ATP6V1H: variants seen among roughly 807,000 people sequenced by gnomAD.
ATP6V1H encodes the protein ATPase H+ transporting V1 subunit H.
A neutral mutation model predicts 71.7 loss-of-function variants in ATP6V1H; 39 were observed. That is an observed-to-expected ratio of 0.54 (90% CI 0.42 to 0.71). The LOEUF is 0.71. ATP6V1H is among the 30% of genes least tolerant of loss of function. The probability of loss-of-function intolerance (pLI) is 0.00; values close to 1 mark genes in which losing one functional copy is unlikely to be tolerated. For synonymous variants in ATP6V1H, 192 were observed against 199.3 expected, an observed-to-expected ratio of 0.96 and a Z score of 0.31; for missense variants, 509 against 594.9, an observed-to-expected ratio of 0.86 and a Z score of 1.50.
chr8:53,809,260 T>C (rs1810195187), intron 7 of ATP6V1H, among the ~76,000 whole-genome samples: 1 of 152,154 alleles, frequency 6.6e-6, no homozygotes, highest in South Asian at 2.1e-4. Flanking sequence ...AAATGTAAAA[T>C]GAGTAAGCGT....
chr8:53,780,183 A>T (rs1368424629), intron 9 of ATP6V1H, among the ~76,000 whole-genome samples: 1 of 151,642 alleles, frequency 6.6e-6, no homozygotes, highest in Non-Finnish European at 1.5e-5. Context: ...AAAAGACATT[A>T]TCATAACTAA....
intron 10 of ATP6V1H, among the ~76,000 whole-genome samples, chr8:53,771,221 C>A (rs1165076907): frequency 6.6e-6 from 1 of 152,190 alleles, no homozygotes; most frequent in African/African-American, 2.4e-5. Context: ...AGTAGCCAAA[C>A]AATTCCAAGA....
chr8:53,755,911 C>T (rs1490009212), intron 12 of ATP6V1H, among the ~76,000 whole-genome samples: 1 of 133,444 alleles, frequency 7.5e-6, no homozygotes, highest in African/African-American at 2.8e-5. Context: ...GCGCCCGCCA[C>T]TACGCCCGGC....
chr8:53,819,269 C>T (rs1003689051), intron 4 of ATP6V1H, among the ~76,000 whole-genome samples: 13 of 151,238 alleles, frequency 8.6e-5, no homozygotes, highest in East Asian at 2.0e-4. Flanking sequence ...CAGTGGCTCA[C>T]GCCTGTAGTC....
At chr8:53,785,210 C>T (rs539734109) in intron 9 of ATP6V1H, among the ~76,000 whole-genome samples, 1 of 152,294 alleles carries the variant, frequency 6.6e-6, no homozygotes, top group African/African-American at 2.4e-5. Flanking sequence ...CACATAGTCC[C>T]ATATTTCTTG....
Position 53,786,933 on chromosome 8 carries a change from T to C in ATP6V1H, c.870+8714A>G, listed in dbSNP as rs559335708. On this transcript the variant is annotated intron_variant, in intron 9 of 13. Coordinates refer to ENST00000359530, the MANE Select transcript of ATP6V1H (RefSeq NM_015941.4). ...GGTGAAGACCAGTTTTGCTTGTTTTTTGATTTTCAATCAGTCATGAGCAAA... is the reference window on the plus strand; with the variant it reads ...GGTGAAGACCAGTTTTGCTTGTTTTCTGATTTTCAATCAGTCATGAGCAAA... Among the ~76,000 whole-genome samples the C allele has an allele frequency of 9.2e-4, 140 of 152,348 alleles. 2 individuals carry two copies. The highest frequency in any genetic ancestry group is 7.9e-4 in the Non-Finnish European group (54 of 68,024).
intron 9 of ATP6V1H, among the ~76,000 whole-genome samples, chr8:53,782,300 G>T (rs917614801): frequency 1.1e-4 from 17 of 151,862 alleles, no homozygotes; most frequent in African/African-American, 3.6e-4. Context: ...TCTCTTTGAA[G>T]CAATTGTGAA....
At chr8:53,829,685 T>C in intron 3 of ATP6V1H, 152 bp from the exon 4 acceptor site, 1 of 544,754 alleles carries the variant, frequency 1.8e-6, no homozygotes, top group South Asian at 2.2e-5. Flanking sequence ...TTATAAATAT[T>C]GTGATGAAGT....
At chr8:53,758,295 G>A (rs566470886) in intron 11 of ATP6V1H, among the ~76,000 whole-genome samples, 33 of 151,866 alleles carry the variant, frequency 2.2e-4, no homozygotes, top group African/African-American at 6.0e-4. Flanking sequence ...TTGCATTAAC[G>A]AAAATTATTT....
intron 12 of ATP6V1H, among the ~76,000 whole-genome samples, chr8:53,749,136 T>C (rs1807706273): frequency 6.6e-6 from 1 of 152,196 alleles, no homozygotes; most frequent in Admixed American, 6.5e-5. Flanking sequence ...CTGTACAAAG[T>C]GAAAAGTGTT....
rs571075877 is a variant in ATP6V1H at position 53,789,488 on chromosome 8, G to GA, written c.870+6158dup. On this transcript the variant is annotated intron_variant, in intron 9 of 13. Coordinates refer to ENST00000359530, the MANE Select transcript of ATP6V1H (RefSeq NM_015941.4). ...ATAGAGCAAGACTCTGTCTCAAAAA[G>GA]AAAAAAAATTATTAATACCTGGTTT... is the stretch of plus-strand genomic sequence containing the variant. Among the ~76,000 whole-genome samples the GA allele has an allele frequency of 2.3e-3, 349 of 151,544 alleles. 2 individuals are homozygous for GA. Among genetic ancestry groups the GA allele is most frequent in the African/African-American group, 7.9e-3 (328 of 41,322 alleles).
chr8:53,840,143 T>G (rs187464228), intron 2 of ATP6V1H, among the ~76,000 whole-genome samples: 2 of 152,168 alleles, frequency 1.3e-5, no homozygotes, highest in East Asian at 1.9e-4. Context: ...GGGGTAGAAT[T>G]ACTTGTCTTT....
chr8:53,769,661 C>G lies in ATP6V1H; in HGVS notation c.1132G>C (p.Glu378Gln), dbSNP rs551666236. The G allele has an allele frequency of 1.9e-6, 3 of 1,613,282 alleles. No homozygotes were observed. The highest frequency in any genetic ancestry group is 2.5e-6 in the Non-Finnish European group (3 of 1,179,474). ...PVHKSEKFWR[E>Q]NAVRLNEKNY... ...TTCTCATTTAACCTCACAGCATTCT[C>G]TCTCCAAAATTTCTCAGATTTGTGC... The change falls in exon 11 of 14, where the codon GAG becomes CAG. Residue 378 changes from glutamate (E) to glutamine (Q), a missense_variant. Physicochemically the swap from Glu to Gln is conservative, Grantham distance 29. This residue lies in a region of ATP6V1H where 212 missense variants were observed against 291.6 expected (regional missense o/e 0.73). Transcript: ENST00000359530.
chr8:53,823,484 T>G (rs944159590), intron 4 of ATP6V1H, among the ~76,000 whole-genome samples: 2 of 151,738 alleles, frequency 1.3e-5, no homozygotes, highest in East Asian at 1.9e-4. Flanking sequence ...ACTTAATTTT[T>G]GGGGGGGCGG....
At chr8:53,755,893 G>A (rs1214210869) in intron 12 of ATP6V1H, among the ~76,000 whole-genome samples, 145 of 127,790 alleles carry the variant, frequency 1.1e-3, no homozygotes, top group Admixed American at 4.1e-3. Flanking sequence ...AAGTAGCTGG[G>A]ACTACAGGCG....
intron 4 of ATP6V1H, among the ~76,000 whole-genome samples, chr8:53,828,806 C>T (rs1316651607): frequency 6.6e-6 from 1 of 152,108 alleles, no homozygotes; most frequent in Non-Finnish European, 1.5e-5. Context: ...CTGACTCTTT[C>T]CTTCAAGTCT....
At chr8:53,808,620 A>G (rs890432524) in intron 7 of ATP6V1H, among the ~76,000 whole-genome samples, 1 of 152,098 alleles carries the variant, frequency 6.6e-6, no homozygotes, top group Non-Finnish European at 1.5e-5. Context: ...TACAAAAAAA[A>G]TTAGCGGGGC....
intron 11 of ATP6V1H, among the ~76,000 whole-genome samples, chr8:53,768,780 T>C (rs1287355368): frequency 2.0e-5 from 3 of 152,146 alleles, no homozygotes; most frequent in Admixed American, 2.0e-4. Flanking sequence ...GATGGGTGGA[T>C]AGAGAGGTGA....
At chr8:53,721,064 T>C (rs760354508) in intron 13 of ATP6V1H, among the ~76,000 whole-genome samples, 2 of 152,234 alleles carry the variant, frequency 1.3e-5, no homozygotes, top group Non-Finnish European at 2.9e-5. Flanking sequence ...TTTCTAAATA[T>C]ATAAACACAA....
Sources: allele counts gnomAD v4.1 joint callset (sites outside exome capture counted in the v4.1 genomes callset), GRCh38; gene constraint gnomAD v4.1.1; regional missense constraint gnomAD v4.1.1; transcripts MANE v1.5; gene names NCBI Gene and HGNC (gene_info 2026-07-23, HGNC 2026-07-21).